HDAC4: variants seen among roughly 807,000 people sequenced by gnomAD.
The protein encoded by HDAC4 is histone deacetylase A.
In HDAC4, 16 loss-of-function variants were observed where a neutral mutation model predicts 135.1. That is an observed-to-expected ratio of 0.12 (90% confidence interval 0.08 to 0.18). The LOEUF (loss-of-function observed/expected upper bound fraction) is 0.18. HDAC4 is among the 10% of genes least tolerant of loss of function. HDAC4 has a pLI of 1.00. For missense variants in HDAC4, 1,143 were observed against 1,511.8 expected (o/e 0.76, Z 4.05); for synonymous variants, 685 against 653.4 (o/e 1.05, Z -0.74).
At chr2:239,399,740 C>T (rs1696813354) in intron 1 of HDAC4, among the ~76,000 whole-genome samples, 1 of 152,146 alleles carries the variant, frequency 6.6e-6, no homozygotes, top group Non-Finnish European at 1.5e-5. Flanking sequence ...CCCTTTCCTC[C>T]CTCACGGAGA....
At chr2:239,108,014 A>C in intron 15 of HDAC4, 36 bp downstream of exon 15, 2 of 1,609,854 alleles carry the variant, frequency 1.2e-6, no homozygotes, top group Middle Eastern at 2.3e-4. Context: ...ATGGTGCCCA[A>C]AGCCGCAGCT....
At chr2:239,163,777 G>A (rs370904505) in intron 6 of HDAC4, 26 bp downstream of exon 6, 28 of 1,611,978 alleles carry the variant, frequency 1.7e-5, no homozygotes, top group South Asian at 1.5e-4. Flanking sequence ...AGAGGAGGCC[G>A]GGGTGCTCCC....
chr2:239,177,773 C>T (rs1270284860), intron 4 of HDAC4, among the ~76,000 whole-genome samples: 1 of 152,182 alleles, frequency 6.6e-6, no homozygotes, highest in Non-Finnish European at 1.5e-5. Context: ...CCCACTAAAA[C>T]GTTGGGCAGA....
intron 2 of HDAC4, among the ~76,000 whole-genome samples, chr2:239,291,369 T>C (rs2051486294): frequency 6.6e-6 from 1 of 152,190 alleles, no homozygotes; most frequent in African/African-American, 2.4e-5. Flanking sequence ...AGCCGGTGTT[T>C]GTTTACATGG....
intron 2 of HDAC4, among the ~76,000 whole-genome samples, chr2:239,255,038 C>A (rs770156779): frequency 6.6e-6 from 1 of 152,128 alleles, no homozygotes; most frequent in East Asian, 1.9e-4. Context: ...AACTATCATT[C>A]GGGTAAAAGG....
intron 1 of HDAC4, among the ~76,000 whole-genome samples, chr2:239,387,002 C>T (rs940619733): frequency 3.3e-5 from 5 of 152,264 alleles, no homozygotes; most frequent in Admixed American, 2.0e-4. Context: ...GCACACGACT[C>T]CAGTGCGTGA....
chr2:239,273,428 A>C (rs1312319608), intron 2 of HDAC4, among the ~76,000 whole-genome samples: 2 of 152,228 alleles, frequency 1.3e-5, no homozygotes, highest in African/African-American at 2.4e-5. Flanking sequence ...GTAAATAAAG[A>C]AAGCCTTTCC....
chr2:239,111,435 C>T, intron 14 of HDAC4, 91 bp downstream of exon 14: 1 of 1,329,888 alleles, frequency 7.5e-7, no homozygotes, highest in Non-Finnish European at 1.1e-6. Context: ...CCCTCCTCAG[C>T]CTCTGCAGAG....
intron 3 of HDAC4, among the ~76,000 whole-genome samples, chr2:239,226,664 A>G (rs1208456366): frequency 7.1e-6 from 1 of 140,950 alleles, no homozygotes; most frequent in Non-Finnish European, 1.6e-5. Context: ...GTAACATGTA[A>G]TGGGGGGGGT....
At chr2:239,123,054 T>C (rs2039829892) in intron 12 of HDAC4, among the ~76,000 whole-genome samples, 1 of 152,188 alleles carries the variant, frequency 6.6e-6, no homozygotes, top group Non-Finnish European at 1.5e-5. Context: ...TCAACTGTCA[T>C]TCACTCCCGT....
chr2:239,297,515 G>C (rs1349269521), intron 2 of HDAC4, among the ~76,000 whole-genome samples: 1 of 152,268 alleles, frequency 6.6e-6, no homozygotes, highest in East Asian at 1.9e-4. Context: ...TGGCTGCCCG[G>C]CTATGAGCTA....
intron 4 of HDAC4, among the ~76,000 whole-genome samples, chr2:239,187,873 G>A (rs1248021553): frequency 2.6e-5 from 4 of 152,186 alleles, no homozygotes; most frequent in African/African-American, 7.2e-5. Context: ...CTGCTAGGTC[G>A]CTCTGAAATC....
intron 2 of HDAC4, among the ~76,000 whole-genome samples, chr2:239,286,170 T>C (rs902920018): frequency 1.3e-5 from 2 of 152,176 alleles, no homozygotes; most frequent in Non-Finnish European, 2.9e-5. Flanking sequence ...ATGAAAATAC[T>C]TGAAAAATTT....
chr2:239,205,009 T>A (rs891274469), intron 3 of HDAC4, among the ~76,000 whole-genome samples: 5 of 152,122 alleles, frequency 3.3e-5, no homozygotes, highest in Admixed American at 1.3e-4. Context: ...CCTCCCCACC[T>A]TCCCCCGTCC....
chr2:239,111,497 C>T (rs1405505316), intron 14 of HDAC4, 29 bp downstream of exon 14: 1 of 1,602,514 alleles, frequency 6.2e-7, no homozygotes, highest in African/African-American at 1.3e-5. Context: ...CGCGTTGCAC[C>T]CTCAGGCTGC....
At position 239,134,459 on chromosome 2, in the gene HDAC4, AG is replaced by A; in HGVS notation, c.1096-17del. On this transcript the variant is annotated splice_polypyrimidine_tract_variant and intron_variant, in intron 10 of 26. Coordinates refer to ENST00000543185, the MANE Select transcript of HDAC4 (RefSeq NM_001378414.1). Reference sequence around the variant, plus strand: ...CCGCCGTGCCCTGGAAAGCACAGCCAGGATGCTCGGGTGGAAGGACCCATCA... The same window carrying A: ...CCGCCGTGCCCTGGAAAGCACAGCCAGATGCTCGGGTGGAAGGACCCATCA... 1 of 1,613,872 alleles carries A rather than the reference AG, an allele frequency of 6.2e-7. No homozygotes were observed. The highest frequency in any genetic ancestry group is 8.5e-7 in the Non-Finnish European group (1 of 1,179,942).
chr2:239,277,446 C>T (rs759660689), intron 2 of HDAC4, among the ~76,000 whole-genome samples: 1 of 152,192 alleles, frequency 6.6e-6, no homozygotes, highest in Non-Finnish European at 1.5e-5. Flanking sequence ...CCTGGGAGTA[C>T]GGGCCGGTCA....
In HDAC4 at chr2:239,081,126, T is replaced by C. The variant is rs2035276811; in HGVS notation, c.2719A>G (p.Met907Val). ...MAFTGGLDPP[M>V]GDAEYLAAFR... ...GCCGCCAAGTACTCAGCGTCTCCCA[T>C]GGGGGGGTCCAGGCCGCCGGTGAAA... The change falls in exon 22 of 27, where the codon ATG becomes GTG. Residue 907 changes from methionine (M) to valine (V), a missense_variant. Met to Val is a conservative substitution (Grantham distance 21). This residue lies in a region of HDAC4 where 189 missense variants were observed against 317.6 expected (regional missense o/e 0.60). Transcript: ENST00000543185. The C allele has an allele frequency of 1.2e-6, 2 of 1,613,640 alleles. No individual in the cohort carries two copies. The highest frequency in any genetic ancestry group is 1.1e-5 in the South Asian group (1 of 91,042).
At chr2:239,075,669 C>T (rs1228709205) in intron 22 of HDAC4, among the ~76,000 whole-genome samples, 1 of 152,190 alleles carries the variant, frequency 6.6e-6, no homozygotes, top group Non-Finnish European at 1.5e-5. Context: ...CGTGGGGTGC[C>T]ACGCATCCCC....
Sources: allele counts gnomAD v4.1 joint callset (sites outside exome capture counted in the v4.1 genomes callset), GRCh38; gene constraint gnomAD v4.1.1; regional missense constraint gnomAD v4.1.1; transcripts MANE v1.5; gene names NCBI Gene and HGNC (gene_info 2026-07-23, HGNC 2026-07-21).